The following TRIM16 variants were observed in gnomAD, a reference collection of about 807,000 sequenced individuals.
The protein encoded by TRIM16 is tripartite motif-containing protein 16.
TRIM16 carries 33 observed loss-of-function variants against 50.4 expected under a neutral mutation model. That is an observed-to-expected ratio of 0.65 (90% CI 0.50 to 0.88). TRIM16 has a LOEUF of 0.88. Ranked by LOEUF, TRIM16 falls within the 40% of genes least tolerant of loss-of-function variation. TRIM16 has a pLI of 0.00. For missense variants in TRIM16, 581 were observed against 686.8 expected (o/e 0.85, Z 1.72); for synonymous variants, 229 against 270.7 (o/e 0.85, Z 1.51).
intron 6 of TRIM16, among the ~76,000 whole-genome samples, chr17:15,657,887 T>C (rs1988049090): frequency 6.6e-6 from 1 of 152,224 alleles, no homozygotes; most frequent in African/African-American, 2.4e-5. Flanking sequence ...ACCCCAAGCA[T>C]TCAGGGGCTA....
At chr17:15,682,779 A>C in intron 3 of TRIM16, 75 bp downstream of exon 3, 1 of 1,311,056 alleles carries the variant, frequency 7.6e-7, no homozygotes, top group Non-Finnish European at 9.8e-7. Flanking sequence ...TACGGAAGTA[A>C]GGTATCTTCT....
Position 15,651,393 on chromosome 17 carries a change from T to C in TRIM16, c.217A>G (p.Lys73Glu), listed in dbSNP as rs1987694612. Residue 73 changes from lysine (K) to glutamate (E), a missense_variant, in exon 7 of 12, where the codon AAA becomes GAA. Physicochemically the swap from Lys to Glu is moderately conservative, Grantham distance 56. This residue lies in a region of TRIM16 where 450 missense variants were observed against 544.3 expected (regional missense o/e 0.83). Coordinates refer to ENST00000649191, the MANE Select transcript of TRIM16 (RefSeq NM_001348119.1). ...AEQGDPAGEG[K>E]EVLCDFCLDD... Reference sequence around the variant, plus strand: ...AGGCAGAAGTCACACAGGACCTCTTTCCCCTCACCAGCAGGATCCCCCTGC... The same window carrying C: ...AGGCAGAAGTCACACAGGACCTCTTCCCCCTCACCAGCAGGATCCCCCTGC... 6.2e-7 allele frequency: 1 copy of C among 1,614,086 alleles called. No homozygotes were observed. Among genetic ancestry groups the C allele is most frequent in the Non-Finnish European group, 8.5e-7 (1 of 1,180,044 alleles).
Position 15,651,359 on chromosome 17 carries a change from G to T in TRIM16, c.251C>A (p.Thr84Asn). The stretch of plus-strand genomic sequence containing the variant: ...GGACTTCACTGCCTTCACTCTTCTG[G>T]TGTCATCAAGGCAGAAGTCACACAG... ...EVLCDFCLDD[T>N]RRVKAVKSCL... Residue 84 changes from threonine (T) to asparagine (N), a missense_variant, in exon 7 of 12, where the codon ACC becomes AAC. Coordinates refer to ENST00000649191, the MANE Select transcript of TRIM16 (RefSeq NM_001348119.1). 6.2e-7 allele frequency: 1 copy of T among 1,614,178 alleles called. No individual in the cohort carries two copies. Among genetic ancestry groups the T allele is most frequent in the Non-Finnish European group, 8.5e-7 (1 of 1,180,030 alleles).
At position 15,637,119 on chromosome 17, in the gene TRIM16, G is replaced by C. The variant is rs1414017732; in HGVS notation, c.616-850C>G. On this transcript the variant is annotated intron_variant, in intron 8 of 11. Transcript: ENST00000649191. ...CCACCCCGTCCGGGAGGGAGGTGGGGGGGGGGGGTCAGCCCCCCGCCCGGC... is the reference window on the plus strand; with the variant it reads ...CCACCCCGTCCGGGAGGGAGGTGGGCGGGGGGGGTCAGCCCCCCGCCCGGC... 3.2e-4 allele frequency among the ~76,000 whole-genome samples: 44 copies of C among 135,866 alleles called. 1 individual carries two copies. The highest frequency in any genetic ancestry group is 1.3e-3 in the East Asian group (6 of 4,630). The allele number at this position is 135,866 out of a possible 152,430, so 89.1% of individuals were successfully genotyped here.
chr17:15,634,868 A>G (rs1986651303), intron 9 of TRIM16, among the ~76,000 whole-genome samples: 3 of 148,830 alleles, frequency 2.0e-5, no homozygotes, highest in Non-Finnish European at 4.5e-5. Flanking sequence ...AAAGAGAAAT[A>G]ATTTATATAC....
At chr17:15,664,190 A>G (rs951267007) in intron 6 of TRIM16, among the ~76,000 whole-genome samples, 6 of 152,210 alleles carry the variant, frequency 3.9e-5, no homozygotes, top group African/African-American at 1.4e-4. Context: ...GAAGCAGCAC[A>G]GATGATCCCA....
At chr17:15,630,191 A>G (rs1986342475) in intron 11 of TRIM16, among the ~76,000 whole-genome samples, 1 of 151,976 alleles carries the variant, frequency 6.6e-6, no homozygotes, top group South Asian at 2.1e-4. Flanking sequence ...AGCCTTTGGT[A>G]CAGCCTGTTC....
chr17:15,682,787 T>C (rs1218859493), intron 3 of TRIM16, 67 bp downstream of exon 3: 13 of 1,346,304 alleles, frequency 9.7e-6, no homozygotes, highest in Non-Finnish European at 1.2e-5. Flanking sequence ...TAAGGTATCT[T>C]CTTTTTTCAG....
At position 15,657,547 on chromosome 17, in the gene TRIM16, C is replaced by T. The variant is rs1458277734; in HGVS notation, c.-337-5601G>A. ...ATTAACCAATAACTCCTCATTCCCT[C>T]TCCCCCTCCAGCCTTTGGAAGCTAC... On this transcript the variant is annotated intron_variant, in intron 6 of 11. Transcript: ENST00000649191. 3.9e-5 allele frequency among the ~76,000 whole-genome samples: 6 copies of T among 152,362 alleles called. No homozygotes were observed. In the East Asian group the frequency reaches 5.8e-4, roughly 15 times the overall value.
chr17:15,675,833 A>T (rs1166687266), intron 6 of TRIM16, among the ~76,000 whole-genome samples: 2 of 147,574 alleles, frequency 1.4e-5, no homozygotes, highest in East Asian at 2.0e-4. Context: ...ATAATATAAA[A>T]ATATATATAT....
At chr17:15,646,793 G>A (rs1321142486) in intron 7 of TRIM16, among the ~76,000 whole-genome samples, 1 of 151,948 alleles carries the variant, frequency 6.6e-6, no homozygotes, top group East Asian at 1.9e-4. Flanking sequence ...AGTCCACCTG[G>A]ACGCTGACTG....
intron 8 of TRIM16, among the ~76,000 whole-genome samples, chr17:15,641,596 C>T (rs957714741): frequency 2.0e-5 from 3 of 149,166 alleles, no homozygotes; most frequent in Non-Finnish European, 4.5e-5. Flanking sequence ...AATCCATTAT[C>T]TCTGAAGGTT....
intron 6 of TRIM16, chr17:15,654,544 T>C (rs1037493332): frequency 6.6e-6 from 1 of 152,244 alleles, no homozygotes; most frequent in Non-Finnish European, 1.5e-5. Flanking sequence ...CTTTAAAAAT[T>C]AACTGCTTGT....
chr17:15,630,384 G>A (rs139309296), intron 11 of TRIM16, among the ~76,000 whole-genome samples: 203 of 152,260 alleles, frequency 1.3e-3, no homozygotes, highest in Non-Finnish European at 2.5e-3. Context: ...ATTCATGTGA[G>A]TGTTTGTTTC....
chr17:15,651,126 T>C lies in TRIM16; in HGVS notation c.484A>G (p.Ile162Val). The C allele has an allele frequency of 1.2e-6, 2 of 1,613,846 alleles. No homozygotes were observed. The highest frequency in any genetic ancestry group is 1.7e-6 in the Non-Finnish European group (2 of 1,179,874). The change falls in exon 7 of 12, where the codon ATA (isoleucine) becomes GTA (valine). Residue 162 changes from isoleucine to valine, a missense_variant. Transcript: ENST00000649191. ...CTGCGGGCTGCATCCAGGGAGACTA[T>C]GGTGTGGCCACTGTGCTCCTGGCAA... ...DCCQEHSGHT[I>V]VSLDAARRDK... is the part of the protein sequence containing the mutation.
chr17:15,674,295 G>A (rs1444403911), intron 6 of TRIM16, among the ~76,000 whole-genome samples: 1 of 151,952 alleles, frequency 6.6e-6, no homozygotes, highest in Admixed American at 6.6e-5. Context: ...ACTTGAACCT[G>A]GGAGGCGGAG....
intron 6 of TRIM16, among the ~76,000 whole-genome samples, chr17:15,668,684 C>T (rs1988605380): frequency 6.6e-6 from 1 of 152,154 alleles, no homozygotes; most frequent in Non-Finnish European, 1.5e-5. Flanking sequence ...AACATTCTTC[C>T]CATCCTTCTT....
intron 6 of TRIM16, among the ~76,000 whole-genome samples, chr17:15,667,191 G>A (rs1988535313): frequency 1.3e-5 from 2 of 152,026 alleles, no homozygotes; most frequent in South Asian, 4.1e-4. Flanking sequence ...GATAACACTT[G>A]AGTATTCTTT....
chr17:15,665,846 T>C (rs1286717275), intron 6 of TRIM16, among the ~76,000 whole-genome samples: 2 of 152,136 alleles, frequency 1.3e-5, no homozygotes, highest in Admixed American at 6.5e-5. Flanking sequence ...TTTCTAAGTA[T>C]AAAGACTTGA....
Sources: allele counts gnomAD v4.1 joint callset (sites outside exome capture counted in the v4.1 genomes callset), GRCh38; gene constraint gnomAD v4.1.1; regional missense constraint gnomAD v4.1.1; transcripts MANE v1.5; gene names NCBI Gene and HGNC (gene_info 2026-07-23, HGNC 2026-07-21).